The following MSRA variants were observed in gnomAD, a reference collection of about 807,000 sequenced individuals.
The protein encoded by MSRA is methionine sulfoxide reductase A.
In MSRA, 54 loss-of-function variants were observed where a neutral mutation model predicts 31.3. The ratio of observed to expected loss-of-function variants is 1.73; its 90% CI spans 1.39 to 2.17. The LOEUF is 2.17. Ranked by LOEUF, MSRA falls within the 30% of genes most tolerant of loss-of-function variation. The probability of loss-of-function intolerance (pLI) is 0.00; values close to 1 mark genes in which losing one functional copy is unlikely to be tolerated. For missense variants in MSRA, 507 were observed against 300.9 expected, an observed-to-expected ratio of 1.69 and a Z score of -5.07; for synonymous variants, 169 against 116.5, an observed-to-expected ratio of 1.45 and a Z score of -2.90.
intron 1 of MSRA, among the ~76,000 whole-genome samples, chr8:10,088,073 G>C (rs1430492486): frequency 6.6e-6 from 1 of 152,066 alleles, no homozygotes; most frequent in African/African-American, 2.4e-5. Context: ...AGGGCTCCTT[G>C]GAAGGAAGTT....
chr8:10,055,328 G>A (rs1405679485), intron 1 of MSRA, among the ~76,000 whole-genome samples: 1 of 152,234 alleles, frequency 6.6e-6, no homozygotes, highest in Non-Finnish European at 1.5e-5. Flanking sequence ...CAATAAGGGT[G>A]AAATACTAGA....
chr8:10,268,096 A>T (rs934007796), intron 3 of MSRA, among the ~76,000 whole-genome samples: 2 of 152,216 alleles, frequency 1.3e-5, no homozygotes. Flanking sequence ...GTGCCATTTC[A>T]TAAGCATTTG....
At chr8:10,264,908 C>T (rs1241739191) in intron 3 of MSRA, among the ~76,000 whole-genome samples, 1 of 152,042 alleles carries the variant, frequency 6.6e-6, no homozygotes, top group African/African-American at 2.4e-5. Flanking sequence ...GGCCTAGAGC[C>T]CTCTATGCGA....
At chr8:10,290,155 C>A (rs988608392) in intron 3 of MSRA, among the ~76,000 whole-genome samples, 1 of 152,200 alleles carries the variant, frequency 6.6e-6, no homozygotes, top group African/African-American at 2.4e-5. Flanking sequence ...GTGCCATTTA[C>A]TTGCCCGTAG....
intron 1 of MSRA, among the ~76,000 whole-genome samples, chr8:10,137,895 A>G (rs574431017): frequency 3.3e-4 from 51 of 152,286 alleles, no homozygotes; most frequent in African/African-American, 1.1e-3. Flanking sequence ...GTTTTATTTG[A>G]CCCTGAAGAA....
Position 10,428,127 on chromosome 8 carries a change from C to T in MSRA, c.544-21C>T, listed in dbSNP as rs141797874. 3.7e-4 allele frequency: 596 copies of T among 1,604,704 alleles called. 4 individuals are homozygous for T. In the African/African-American group the frequency reaches 6.6e-3, roughly 18 times the overall value. On this transcript the variant is annotated intron_variant, in intron 5 of 5. Coordinates refer to ENST00000317173, the MANE Select transcript of MSRA (RefSeq NM_012331.5). ...GTCTCTCTAGCATGGGAGCTGATGG[C>T]GCCTTTCTGTGTCCCCACAGGTTCT...
chr8:10,172,253 A>G (rs1805657165), intron 1 of MSRA, among the ~76,000 whole-genome samples: 1 of 152,180 alleles, frequency 6.6e-6, no homozygotes, highest in Non-Finnish European at 1.5e-5. Flanking sequence ...CTGGGCTGCT[A>G]CAGGAGCTCA....
intron 5 of MSRA, among the ~76,000 whole-genome samples, chr8:10,404,793 C>T (rs934809770): frequency 5.3e-5 from 8 of 152,226 alleles, no homozygotes; most frequent in Non-Finnish European, 1.0e-4. Flanking sequence ...CCACCCACCT[C>T]ACTGGGACCC....
At chr8:10,291,496 TG>T (rs1800235115) in intron 3 of MSRA, among the ~76,000 whole-genome samples, 1 of 152,020 alleles carries the variant, frequency 6.6e-6, no homozygotes, top group African/African-American at 2.4e-5. Context: ...CATCCAATTT[TG>T]ATGTATTAGG....
intron 2 of MSRA, among the ~76,000 whole-genome samples, chr8:10,217,997 A>C (rs1296012916): frequency 6.6e-6 from 1 of 152,046 alleles, no homozygotes; most frequent in Non-Finnish European, 1.5e-5. Flanking sequence ...TCTTGACCGA[A>C]CGATCATGTT....
intron 5 of MSRA, among the ~76,000 whole-genome samples, chr8:10,354,665 A>C (rs564773803): frequency 6.6e-6 from 1 of 151,686 alleles, no homozygotes; most frequent in African/African-American, 2.4e-5. Flanking sequence ...TTATCAGTGA[A>C]AATATTTGTA....
intron 4 of MSRA, among the ~76,000 whole-genome samples, chr8:10,317,847 A>G (rs139479497): frequency 1.3e-5 from 2 of 152,132 alleles, no homozygotes; most frequent in African/African-American, 2.4e-5. Context: ...GATTATGCTC[A>G]CTCAGGGTTC....
intron 5 of MSRA, among the ~76,000 whole-genome samples, chr8:10,422,027 TC>T (rs530812381): frequency 1.3e-5 from 2 of 152,184 alleles, no homozygotes; most frequent in Non-Finnish European, 2.9e-5. Flanking sequence ...ACACCTGTAA[TC>T]CCAGCACTTT....
chr8:10,350,031 G>T lies in MSRA; in HGVS notation c.543+30042G>T, dbSNP rs921720082. ...CAGGCCTCCCTGAGTAGAAATGATG[G>T]ACTCTTCTGAGTTGAGAGACCTCGG... is the stretch of plus-strand genomic sequence containing the variant. On this transcript the variant is annotated intron_variant, in intron 5 of 5. Coordinates refer to ENST00000317173, the MANE Select transcript of MSRA (RefSeq NM_012331.5). Among the ~76,000 whole-genome samples, 3 of 152,226 alleles carry T rather than the reference G, an allele frequency of 2.0e-5. 1 individual carries two copies. The highest frequency in any genetic ancestry group is 4.4e-5 in the Non-Finnish European group (3 of 68,044).
intron 1 of MSRA, among the ~76,000 whole-genome samples, chr8:10,108,715 C>A (rs1800064333): frequency 6.6e-6 from 1 of 152,196 alleles, no homozygotes; most frequent in Non-Finnish European, 1.5e-5. Context: ...TGTGATGGAT[C>A]TTTGCAGGTC....
chr8:10,327,309 T>C (rs1344683049), intron 5 of MSRA, among the ~76,000 whole-genome samples: 1 of 152,206 alleles, frequency 6.6e-6, no homozygotes, highest in Non-Finnish European at 1.5e-5. Context: ...AATCTTTAAA[T>C]ATTTGCCATA....
At chr8:10,373,548 C>CT (rs1158553166) in intron 5 of MSRA, among the ~76,000 whole-genome samples, 1 of 152,240 alleles carries the variant, frequency 6.6e-6, no homozygotes, top group Non-Finnish European at 1.5e-5. Flanking sequence ...CTGACTGGTA[C>CT]TTTTGACACA....
At chr8:10,149,932 C>G (rs1407565069) in intron 1 of MSRA, among the ~76,000 whole-genome samples, 1 of 3,896 alleles carries the variant, frequency 2.6e-4, no homozygotes, top group Non-Finnish European at 8.4e-4. Flanking sequence ...CCAACTTTAT[C>G]TGTCAATTTA....
At chr8:10,295,441 T>G (rs941456791) in intron 3 of MSRA, among the ~76,000 whole-genome samples, 3 of 152,176 alleles carry the variant, frequency 2.0e-5, no homozygotes, top group Admixed American at 2.0e-4. Context: ...ACAGACCACG[T>G]GGGCCTAGAC....
Sources: allele counts gnomAD v4.1 joint callset (sites outside exome capture counted in the v4.1 genomes callset), GRCh38; gene constraint gnomAD v4.1.1; transcripts MANE v1.5; gene names NCBI Gene and HGNC (gene_info 2026-07-23, HGNC 2026-07-21).